PCDH15: variants seen among roughly 807,000 people sequenced by gnomAD.
PCDH15 encodes protocadherin related 15, also known as protocadherin-15.
PCDH15 carries 129 observed loss-of-function variants against 178.5 expected under a neutral mutation model. The observed-to-expected ratio is 0.72, with a 90% CI of 0.63 to 0.84. The LOEUF is 0.84. Among genes scored for constraint, PCDH15 ranks in the 40% least tolerant of loss-of-function variants. The pLI is 0.00. For missense variants in PCDH15, 2,230 were observed against 2,099.9 expected, an observed-to-expected ratio of 1.06 and a Z score of -1.21; for synonymous variants, 800 against 732.0, an observed-to-expected ratio of 1.09 and a Z score of -1.50.
At chr10:54,100,077 T>C (rs2094780794) in intron 15 of PCDH15, among the ~76,000 whole-genome samples, 1 of 152,140 alleles carries the variant, frequency 6.6e-6, no homozygotes, top group Admixed American at 6.5e-5. Context: ...ATAGAAGGTA[T>C]TGCTCAGTGG....
chr10:54,598,485 G>C (rs930388244), intron 2 of PCDH15, among the ~76,000 whole-genome samples: 1 of 151,934 alleles, frequency 6.6e-6, no homozygotes, highest in African/African-American at 2.4e-5. Context: ...AAAATAATAA[G>C]AGCCATATAT....
At chr10:54,965,644 G>T (rs1160198883) in intron 2 of PCDH15, among the ~76,000 whole-genome samples, 1 of 146,996 alleles carries the variant, frequency 6.8e-6, no homozygotes, top group Admixed American at 6.8e-5. Flanking sequence ...TATATGTTGG[G>T]TATATGTGGA....
At chr10:55,545,005 T>C (rs1210712944) in intron 2 of PCDH15, among the ~76,000 whole-genome samples, 1 of 152,106 alleles carries the variant, frequency 6.6e-6, no homozygotes, top group Non-Finnish European at 1.5e-5. Flanking sequence ...AGAAACACTT[T>C]ATAGGTAGTA....
At chr10:55,131,780 G>A (rs1564823530) in intron 2 of PCDH15, among the ~76,000 whole-genome samples, 2 of 151,980 alleles carry the variant, frequency 1.3e-5, no homozygotes, top group Admixed American at 6.6e-5. Context: ...GGTTTTTATG[G>A]GCTTCAAAGG....
intron 1 of PCDH15, among the ~76,000 whole-genome samples, chr10:55,305,137 C>A (rs1375579388): frequency 6.6e-6 from 1 of 152,174 alleles, no homozygotes; most frequent in Non-Finnish European, 1.5e-5. Context: ...TCTGATCTAT[C>A]TATCCCTTTG....
At chr10:55,007,469 C>T (rs1839960049) in intron 2 of PCDH15, among the ~76,000 whole-genome samples, 1 of 134,606 alleles carries the variant, frequency 7.4e-6, no homozygotes, top group Non-Finnish European at 1.6e-5. Context: ...TCCCATTAAA[C>T]TGATAAACTA....
At chr10:54,049,616 T>C (rs1200079701) in intron 18 of PCDH15, among the ~76,000 whole-genome samples, 1 of 145,004 alleles carries the variant, frequency 6.9e-6, no homozygotes, top group South Asian at 2.2e-4. Context: ...TCTGCATCTA[T>C]TGTGATGATT....
intron 26 of PCDH15, among the ~76,000 whole-genome samples, chr10:53,874,197 A>G (rs956182927): frequency 1.3e-5 from 2 of 152,154 alleles, no homozygotes; most frequent in African/African-American, 4.8e-5. Flanking sequence ...TAGCTCAGAC[A>G]ATAGGAGGCA....
intron 2 of PCDH15, among the ~76,000 whole-genome samples, chr10:55,044,456 A>G (rs2131980720): frequency 6.6e-6 from 1 of 152,222 alleles, no homozygotes; most frequent in Non-Finnish European, 1.5e-5. Context: ...TCACAAAATC[A>G]GTTAGTTCAT....
rs1264172366 is a variant in PCDH15 at position 54,183,573 on chromosome 10, T to C, written c.1461A>G (p.Val487=). 8 of 1,613,880 alleles carry C rather than the reference T, an allele frequency of 5.0e-6. No homozygotes were observed. The highest frequency in any genetic ancestry group is 6.8e-6 in the Non-Finnish European group (8 of 1,179,984). ...TGACGATGACTGGCTCACTTTCTTG[T>C]ACACCATCAAATGCTGTTATCTTTG... ...YTFSITAFDG[V]QESEPVIVNI... Residue 487 remains valine, a synonymous_variant, in exon 13 of 38, where the codon GTA becomes GTG. Coordinates refer to ENST00000644397, the MANE Select transcript of PCDH15 (RefSeq NM_001384140.1).
intron 13 of PCDH15, among the ~76,000 whole-genome samples, chr10:54,164,376 T>C (rs545970602): frequency 5.3e-4 from 80 of 152,334 alleles, no homozygotes; most frequent in African/African-American, 1.6e-3. Flanking sequence ...TCTGAGTGCA[T>C]ACTGATCTCT....
intron 1 of PCDH15, among the ~76,000 whole-genome samples, chr10:54,780,733 TAAA>T (rs35494053): frequency 0.021 from 2,376 of 114,324 alleles, 65 homozygotes; most frequent in African/African-American, 0.071. Context: ...AGCAATTGTG[TAAA>T]AAAAAAAAAA....
intron 2 of PCDH15, among the ~76,000 whole-genome samples, chr10:55,579,395 T>C (rs1033296519): frequency 1.3e-5 from 2 of 152,176 alleles, no homozygotes; most frequent in Non-Finnish European, 2.9e-5. Flanking sequence ...GAGTAATTCC[T>C]GATTAGTTCC....
At chr10:54,640,736 TAGAAAA>T (rs1028117722) in intron 2 of PCDH15, among the ~76,000 whole-genome samples, 80 of 151,538 alleles carry the variant, frequency 5.3e-4, no homozygotes, top group African/African-American at 1.9e-3. Context: ...GTGGAAGAAT[TAGAAAA>T]AGAAAAAAAA....
At chr10:54,232,983 TGGA>T (rs1395721546) in intron 9 of PCDH15, among the ~76,000 whole-genome samples, 1 of 148,870 alleles carries the variant, frequency 6.7e-6, no homozygotes, top group Non-Finnish European at 1.5e-5. Context: ...TCACTCAGGC[TGGA>T]GTAAAATGAT....
intron 1 of PCDH15, among the ~76,000 whole-genome samples, chr10:54,697,651 A>AGGAAGGAC: frequency 1.1e-5 from 1 of 94,588 alleles, no homozygotes; most frequent in East Asian, 3.0e-4. Context: ...GAAGGAAGGA[A>AGGAAGGAC]GGAAGGAAGG....
At chr10:55,238,397 A>G (rs907626217) in intron 1 of PCDH15, among the ~76,000 whole-genome samples, 29 of 151,834 alleles carry the variant, frequency 1.9e-4, no homozygotes, top group Admixed American at 9.8e-4. Flanking sequence ...TGATCCGCCC[A>G]CCTCGGCCTC....
intron 2 of PCDH15, among the ~76,000 whole-genome samples, chr10:54,946,963 A>T (rs61856264): frequency 0.25 from 37,257 of 151,824 alleles, 5,379 homozygotes; most frequent in Non-Finnish European, 0.33. Flanking sequence ...TGCTCTATTC[A>T]CAGTTACCAC....
At chr10:54,524,817 C>T (rs566999412) in intron 3 of PCDH15, among the ~76,000 whole-genome samples, 2 of 152,098 alleles carry the variant, frequency 1.3e-5, no homozygotes, top group East Asian at 1.9e-4. Flanking sequence ...CCCTTTACAA[C>T]GTAAGCTTAG....
Sources: gnomAD v4.1 joint callset for allele counts (sites outside exome capture counted in the v4.1 genomes callset) on GRCh38, gnomAD v4.1.1 for gene constraint, MANE v1.5 for transcripts, NCBI Gene and HGNC (gene_info 2026-07-23, HGNC 2026-07-21) for gene names.